The following SMAD9 variants were observed in gnomAD, a reference collection of about 807,000 sequenced individuals.
The protein encoded by SMAD9 is MAD homolog 9.
Under a neutral mutation model 46.1 loss-of-function variants are expected in SMAD9, and 36 were observed. The observed-to-expected ratio is 0.78, with a 90% CI of 0.60 to 1.03. The LOEUF is 1.03. Ranked by LOEUF, SMAD9 falls within the 50% of genes least tolerant of loss-of-function variation. SMAD9 has a pLI of 0.00. For missense variants in SMAD9, 572 were observed against 599.8 expected (o/e 0.95, Z 0.48); for synonymous variants, 245 against 237.1 (o/e 1.03, Z -0.31).
At chr13:36,878,504 A>G (rs1283774583) in intron 2 of SMAD9, among the ~76,000 whole-genome samples, 1 of 152,190 alleles carries the variant, frequency 6.6e-6, no homozygotes, top group East Asian at 1.9e-4. Context: ...TCACACAAGG[A>G]AGAAATTACT....
chr13:36,880,065 A>T (rs904545167), intron 1 of SMAD9, among the ~76,000 whole-genome samples, 190 bp from the exon 2 acceptor site: 1 of 152,164 alleles, frequency 6.6e-6, no homozygotes, highest in South Asian at 2.1e-4. Context: ...CCAAAGTTGG[A>T]TAGAAGGGAA....
chr13:36,869,060 G>A (rs2058263140), intron 3 of SMAD9, among the ~76,000 whole-genome samples: 1 of 152,050 alleles, frequency 6.6e-6, no homozygotes, highest in Non-Finnish European at 1.5e-5. Context: ...CTTGCAATAG[G>A]CAAATTCAGA....
chr13:36,866,338 T>C (rs1161489820), intron 4 of SMAD9, among the ~76,000 whole-genome samples: 1 of 148,618 alleles, frequency 6.7e-6, no homozygotes, highest in Non-Finnish European at 1.5e-5. Flanking sequence ...GATATCTAGT[T>C]ATGCATGGAA....
In SMAD9 at chr13:36,905,774, C is replaced by CAAAAAAAAAA. The variant is rs60358673; in HGVS notation, c.-187+14332_-187+14341dup. Among the ~76,000 whole-genome samples the CAAAAAAAAAA allele has an allele frequency of 3.5e-4, 23 of 66,462 alleles. 1 individual carries two copies. The highest frequency in any genetic ancestry group is 7.6e-4 in the East Asian group (2 of 2,646). 43.6% of individuals were successfully genotyped at this position (66,462 alleles called of 152,430 possible). A position where few individuals can be genotyped will look rare whatever the true frequency, so the allele number is the denominator to read the frequency against. On this transcript the variant is annotated intron_variant, in intron 1 of 6. Coordinates refer to ENST00000379826, the MANE Select transcript of SMAD9 (RefSeq NM_001127217.3). ...TAGATAAAAGGGCAAGACCCTGTCT[C>CAAAAAAAAAA]AAAAAAAAAAAAAAAAAAAAAAAAA...
chr13:36,886,365 G>T (rs2138543928), intron 1 of SMAD9, among the ~76,000 whole-genome samples: 1 of 152,372 alleles, frequency 6.6e-6, no homozygotes, highest in Admixed American at 6.5e-5. Context: ...GTACTGAAAT[G>T]CAGGAGGATG....
At chr13:36,872,303 T>C (rs1472202522) in intron 3 of SMAD9, among the ~76,000 whole-genome samples, 1 of 150,934 alleles carries the variant, frequency 6.6e-6, no homozygotes. Context: ...TGATCTTCCA[T>C]GTTGCTTGTC....
At chr13:36,911,621 G>C (rs1046212008) in intron 1 of SMAD9, among the ~76,000 whole-genome samples, 13 of 60,328 alleles carry the variant, frequency 2.2e-4, no homozygotes, top group East Asian at 2.0e-3. Context: ...TGCCTGGGGG[G>C]GGGGGGGGCG....
chr13:36,886,470 C>T (rs1439975444), intron 1 of SMAD9, among the ~76,000 whole-genome samples: 1 of 152,250 alleles, frequency 6.6e-6, no homozygotes, highest in East Asian at 1.9e-4. Flanking sequence ...GCATGAAGCA[C>T]AACAGAGAGG....
At chr13:36,920,554 C>A (rs532067358), upstream of SMAD9, 77 of 152,336 alleles carry the variant, frequency 5.1e-4, 1 homozygote, top group African/African-American at 1.7e-3. Flanking sequence ...GGCCCCTGCC[C>A]GGCCTGCCGG....
intron 1 of SMAD9, among the ~76,000 whole-genome samples, chr13:36,893,939 TATCAA>T (rs554811805): frequency 1.3e-5 from 2 of 152,290 alleles, no homozygotes; most frequent in African/African-American, 4.8e-5. Flanking sequence ...CTTTTGAATG[TATCAA>T]ATATTACAAA....
intron 1 of SMAD9, among the ~76,000 whole-genome samples, chr13:36,893,056 G>C (rs1377783774): frequency 6.6e-6 from 1 of 152,160 alleles, no homozygotes; most frequent in African/African-American, 2.4e-5. Context: ...AGAATTTATA[G>C]AAATAGTTGG....
At chr13:36,897,919 C>T (rs1260363713) in intron 1 of SMAD9, among the ~76,000 whole-genome samples, 6 of 135,184 alleles carry the variant, frequency 4.4e-5, no homozygotes, top group African/African-American at 1.4e-4. Context: ...TGCAATGGTG[C>T]GATCTTGGCT....
chr13:36,869,174 T>G (rs1205074198), intron 3 of SMAD9, among the ~76,000 whole-genome samples: 1 of 152,002 alleles, frequency 6.6e-6, no homozygotes, highest in African/African-American at 2.4e-5. Context: ...TGAAAAAATT[T>G]TTGAAAATAG....
At chr13:36,891,853 C>T (rs1242032587) in intron 1 of SMAD9, among the ~76,000 whole-genome samples, 1 of 152,206 alleles carries the variant, frequency 6.6e-6, no homozygotes, top group Non-Finnish European at 1.5e-5. Flanking sequence ...CTGTTAAATG[C>T]TACAGTCCCA....
Position 36,848,471 on chromosome 13 carries a change from CA to C in SMAD9, c.*204del. On this transcript the variant is annotated 3_prime_UTR_variant, in exon 7 of 7. Transcript: ENST00000379826. Reference sequence around the variant, plus strand: ...AATCTGCTGCTTATAGCACAGGCACCAAAGTCCTGCTTTTCCAATTGCACTG... The same window carrying C: ...AATCTGCTGCTTATAGCACAGGCACCAAGTCCTGCTTTTCCAATTGCACTG... 1.7e-6 allele frequency: 1 copy of C among 601,056 alleles called. No homozygotes were observed. The highest frequency in any genetic ancestry group is 2.9e-6 in the Non-Finnish European group (1 of 339,032). 37.2% of individuals were successfully genotyped at this position (601,056 alleles called of 1,614,324 possible).
At chr13:36,875,641 CTTT>C (rs1421699598) in intron 2 of SMAD9, among the ~76,000 whole-genome samples, 3 of 152,192 alleles carry the variant, frequency 2.0e-5, no homozygotes, top group African/African-American at 7.2e-5. Flanking sequence ...TGTATGGCTT[CTTT>C]GTCAATGACC....
chr13:36,910,702 A>G (rs749235380), intron 1 of SMAD9, among the ~76,000 whole-genome samples: 4 of 152,160 alleles, frequency 2.6e-5, no homozygotes, highest in Non-Finnish European at 5.9e-5. Flanking sequence ...CAGAGCTGGA[A>G]GCCAACTTCC....
At position 36,872,801 on chromosome 13, in the gene SMAD9, G is replaced by C; in HGVS notation, c.527C>G (p.Thr176Ser). 1 of 1,614,104 alleles carries C rather than the reference G, an allele frequency of 6.2e-7. No homozygotes were observed. Among genetic ancestry groups the C allele is most frequent in the Non-Finnish European group, 8.5e-7 (1 of 1,180,026 alleles). Residue 176 changes from threonine (T) to serine (S), a missense_variant, in exon 3 of 7, where the codon ACC becomes AGC. Physicochemically the swap from Thr to Ser is moderately conservative, Grantham distance 58. Transcript: ENST00000379826. ...AGGCTGCTGGAAAGAGTCAGGATAGGTGGCGTTGTGTGGCATGAGTGGCTC... is the reference window on the plus strand; with the variant it reads ...AGGCTGCTGGAAAGAGTCAGGATAGCTGGCGTTGTGTGGCATGAGTGGCTC... ...HSEPLMPHNA[T>S]YPDSFQQPPC... is the part of the protein sequence containing the mutation.
chr13:36,903,758 TC>T (rs2058597193), intron 1 of SMAD9, among the ~76,000 whole-genome samples: 1 of 152,118 alleles, frequency 6.6e-6, no homozygotes, highest in South Asian at 2.1e-4. Flanking sequence ...TTAAAAACAT[TC>T]TGAACAAAAT....
Sources: gnomAD v4.1 joint callset for allele counts (sites outside exome capture counted in the v4.1 genomes callset) on GRCh38, gnomAD v4.1.1 for gene constraint, MANE v1.5 for transcripts, NCBI Gene and HGNC (gene_info 2026-07-23, HGNC 2026-07-21) for gene names.